The following PLEKHA5 variants were observed in gnomAD, a reference collection of about 807,000 sequenced individuals.
PLEKHA5 encodes the protein pleckstrin homology domain containing A5.
In PLEKHA5, 55 loss-of-function variants were observed where a neutral mutation model predicts 181.9. The ratio of observed to expected loss-of-function variants is 0.30; its 90% CI spans 0.24 to 0.38. The LOEUF is 0.38. Among genes scored for constraint, PLEKHA5 ranks in the 10% least tolerant of loss-of-function variants. PLEKHA5 has a pLI of 1.00. For missense variants in PLEKHA5, 1,432 were observed against 1,549.5 expected (o/e 0.92, Z 1.27); for synonymous variants, 535 against 529.4 (o/e 1.01, Z -0.15).
At chr12:19,202,619 G>A (rs759196579) in intron 3 of PLEKHA5, among the ~76,000 whole-genome samples, 3 of 152,016 alleles carry the variant, frequency 2.0e-5, no homozygotes, top group African/African-American at 7.2e-5. Flanking sequence ...GACTCAGCCC[G>A]TAGAATGTAC....
chr12:19,288,796 CA>C (rs2077776473), intron 13 of PLEKHA5, among the ~76,000 whole-genome samples: 1 of 152,198 alleles, frequency 6.6e-6, no homozygotes, highest in South Asian at 2.1e-4. Context: ...TAGCATACCA[CA>C]AATGTTTCTC....
At chr12:19,312,627 GAGTT>G (rs1351083114) in intron 15 of PLEKHA5, among the ~76,000 whole-genome samples, 1 of 152,232 alleles carries the variant, frequency 6.6e-6, no homozygotes, top group African/African-American at 2.4e-5. Flanking sequence ...GGATTGAAGA[GAGTT>G]AGGGCCTTGC....
intron 3 of PLEKHA5, among the ~76,000 whole-genome samples, chr12:19,134,930 C>T (rs1311788032): frequency 6.6e-6 from 1 of 152,088 alleles, no homozygotes; most frequent in Non-Finnish European, 1.5e-5. Context: ...ATTGTCATTT[C>T]TTTCTCAGAT....
chr12:19,267,941 CA>C (rs1463616487), intron 8 of PLEKHA5, among the ~76,000 whole-genome samples: 1 of 151,204 alleles, frequency 6.6e-6, no homozygotes, highest in South Asian at 2.1e-4. Context: ...GCCTGGGCAA[CA>C]AGAGCGAAAC....
At chr12:19,177,015 G>A (rs530053854) in intron 3 of PLEKHA5, among the ~76,000 whole-genome samples, 6 of 151,822 alleles carry the variant, frequency 4.0e-5, no homozygotes, top group African/African-American at 1.5e-4. Flanking sequence ...TTACAGGCAC[G>A]CACCACCACA....
chr12:19,321,403 A>C (rs2090775170), intron 18 of PLEKHA5, among the ~76,000 whole-genome samples: 2 of 111,820 alleles, frequency 1.8e-5, no homozygotes, highest in African/African-American at 3.6e-5. Context: ...TCTCTCTGTC[A>C]CCCGGGTTGG....
intron 7 of PLEKHA5, among the ~76,000 whole-genome samples, chr12:19,264,356 A>T (rs147342322): frequency 4.4e-4 from 66 of 151,432 alleles, no homozygotes; most frequent in African/African-American, 1.5e-3. Context: ...ACTTTAGAAA[A>T]GATTATTTTA....
intron 26 of PLEKHA5, among the ~76,000 whole-genome samples, chr12:19,357,254 C>CTTTTTTT (rs5796799): frequency 1.0e-5 from 1 of 96,128 alleles, no homozygotes; most frequent in Non-Finnish European, 2.3e-5. Flanking sequence ...TCTTTATATT[C>CTTTTTTT]TTTTTTTTTT....
intron 3 of PLEKHA5, among the ~76,000 whole-genome samples, chr12:19,187,186 G>T (rs902817717): frequency 6.6e-6 from 1 of 152,102 alleles, no homozygotes; most frequent in Non-Finnish European, 1.5e-5. Context: ...GCTATGTCTA[G>T]ATCTGACTTT....
rs748908418 is a variant in PLEKHA5, at chr12:19,358,341, G to A, written c.3252G>A (p.Arg1084=). 1.2e-6 allele frequency: 2 copies of A among 1,613,732 alleles called. No individual in the cohort carries two copies. Among genetic ancestry groups the A allele is most frequent in the Admixed American group, 3.3e-5 (2 of 59,946 alleles). ...RIRRHQQACL[R]EKKKGLNVIG... is the part of the protein sequence containing the mutation. ...GAAGACATCAACAAGCGTGCCTGAG[G>A]GAGAAGAAAAAAGGGTTAAATGTTA... The change falls in exon 27 of 32, where the codon AGG becomes AGA. Residue 1084 remains arginine, a synonymous_variant. Coordinates refer to ENST00000429027, the MANE Select transcript of PLEKHA5 (RefSeq NM_001256470.2).
chr12:19,257,777 A>C (rs2067251339), intron 6 of PLEKHA5, among the ~76,000 whole-genome samples: 1 of 152,100 alleles, frequency 6.6e-6, no homozygotes, highest in Non-Finnish European at 1.5e-5. Context: ...TCTAGACTTA[A>C]AATTAAATAT....
intron 3 of PLEKHA5, among the ~76,000 whole-genome samples, chr12:19,173,005 C>CTT (rs71064064): frequency 0.012 from 407 of 33,492 alleles, 117 homozygotes; most frequent in Middle Eastern, 0.11. Flanking sequence ...ATTTCCCTTT[C>CTT]TTTTTTTTTT....
chr12:19,305,861 C>CAAAAAAAAAAAAAA (rs376068601), intron 15 of PLEKHA5, among the ~76,000 whole-genome samples: 1 of 37,908 alleles, frequency 2.6e-5, no homozygotes, highest in African/African-American at 8.4e-5. Context: ...AACTCCATCT[C>CAAAAAAAAAAAAAA]AAAAAAAAAA....
At chr12:19,307,013 C>T in intron 15 of PLEKHA5, 1 of 1,495,106 alleles carries the variant, frequency 6.7e-7, no homozygotes, top group Non-Finnish European at 9.3e-7. Flanking sequence ...GGGGCTCCTA[C>T]TCTTGTTCCT....
At chr12:19,357,945 T>A (rs772257169) in intron 26 of PLEKHA5, among the ~76,000 whole-genome samples, 24 of 128,420 alleles carry the variant, frequency 1.9e-4, no homozygotes, top group Non-Finnish European at 2.7e-4. Flanking sequence ...TGGTCCATAT[T>A]TTTTTTTTAA....
chr12:19,317,830 G>A (rs989210262), intron 16 of PLEKHA5, among the ~76,000 whole-genome samples: 3 of 150,408 alleles, frequency 2.0e-5, no homozygotes, highest in Non-Finnish European at 4.4e-5. Context: ...TTGGAGCACT[G>A]CACAAGTTTA....
chr12:19,180,919 A>T (rs1394472663), intron 3 of PLEKHA5, among the ~76,000 whole-genome samples: 7 of 151,858 alleles, frequency 4.6e-5, no homozygotes, highest in Admixed American at 4.6e-4. Flanking sequence ...CAAGTCAGAC[A>T]CCTCTGGTGT....
At chr12:19,265,710 A>G in intron 7 of PLEKHA5, 40 bp from the exon 8 acceptor site, 3 of 1,168,986 alleles carry the variant, frequency 2.6e-6, no homozygotes, top group Non-Finnish European at 3.8e-6. Flanking sequence ...GCTTCATAAG[A>G]ACATTTAAAA....
rs983915009 is a variant in PLEKHA5, at chr12:19,306,403, G to T, written c.2038-8411G>T. On this transcript the variant is annotated intron_variant, in intron 15 of 31. Coordinates refer to ENST00000429027, the MANE Select transcript of PLEKHA5 (RefSeq NM_001256470.2). The stretch of plus-strand genomic sequence containing the variant: ...CCCCTCCCCCGCGGCGTGCAGTGGG[G>T]TAGAGAAAAGGTGGCGACGGCGACT... 5.5e-6 allele frequency: 3 copies of T among 547,750 alleles called. No individual in the cohort carries two copies. The African/African-American group carries it at 5.7e-5, about 10-fold the overall frequency. 33.9% of individuals were successfully genotyped at this position (547,750 alleles called of 1,614,324 possible).
Sources: gnomAD v4.1 joint callset for allele counts (sites outside exome capture counted in the v4.1 genomes callset) on GRCh38, gnomAD v4.1.1 for gene constraint, MANE v1.5 for transcripts, NCBI Gene and HGNC (gene_info 2026-07-23, HGNC 2026-07-21) for gene names.